The following ZBTB20 variants were observed in gnomAD, a reference collection of about 807,000 sequenced individuals.
ZBTB20 encodes the protein zinc finger and BTB domain containing 20.
ZBTB20 carries 9 observed loss-of-function variants against 56.9 expected under a neutral mutation model. The ratio of observed to expected loss-of-function variants is 0.16; its 90% CI spans 0.10 to 0.28. ZBTB20 has a LOEUF of 0.28. ZBTB20 is among the 10% of genes least tolerant of loss of function. The pLI, the probability that ZBTB20 is intolerant of heterozygous loss-of-function variation, is 1.00. For synonymous variants in ZBTB20, 417 were observed against 420.7 expected (o/e 0.99, Z 0.11); for missense variants, 655 against 1,003.0 (o/e 0.65, Z 4.69).
chr3:114,869,619 T>C (rs940407622), intron 4 of ZBTB20, among the ~76,000 whole-genome samples: 5 of 151,690 alleles, frequency 3.3e-5, no homozygotes, highest in African/African-American at 7.2e-5. Flanking sequence ...TAATAACAAA[T>C]GCTTCCTTTT....
At chr3:114,403,586 T>C (rs2087015101) in intron 7 of ZBTB20, among the ~76,000 whole-genome samples, 1 of 151,896 alleles carries the variant, frequency 6.6e-6, no homozygotes, top group African/African-American at 2.4e-5. Context: ...TCATATAAAA[T>C]AAGGAGGCAT....
chr3:114,427,701 G>A (rs1469985926), intron 7 of ZBTB20, among the ~76,000 whole-genome samples: 1 of 152,238 alleles, frequency 6.6e-6, no homozygotes, highest in Non-Finnish European at 1.5e-5. Flanking sequence ...TGCTGTCTGG[G>A]TCTTCCCCTC....
At chr3:114,943,386 C>A (rs2076783117) in intron 3 of ZBTB20, among the ~76,000 whole-genome samples, 1 of 144,538 alleles carries the variant, frequency 6.9e-6, no homozygotes, top group Admixed American at 6.7e-5. Context: ...ATCAAAGAAC[C>A]AAAACAAAGA....
At chr3:114,958,843 T>G in intron 3 of ZBTB20, among the ~76,000 whole-genome samples, 1 of 147,142 alleles carries the variant, frequency 6.8e-6, no homozygotes, top group African/African-American at 2.5e-5. Context: ...AGAGTGAGAG[T>G]CTGTCTCAGA....
intron 4 of ZBTB20, among the ~76,000 whole-genome samples, chr3:114,814,746 T>A (rs1393136551): frequency 6.6e-6 from 1 of 152,186 alleles, no homozygotes; most frequent in Non-Finnish European, 1.5e-5. Context: ...TAATAAGGCA[T>A]ATAACATAGA....
In ZBTB20 at chr3:114,693,588, G is replaced by C. The variant is rs530093712; in HGVS notation, c.-342-13C>G. The stretch of plus-strand genomic sequence containing the variant: ...ATGATGAAACATTCTGAAATAAAAA[G>C]AGTACAGGTAAGTGCTAGGTATTTA... On this transcript the variant is annotated splice_polypyrimidine_tract_variant and intron_variant, in intron 5 of 11. Coordinates refer to ENST00000675478, the MANE Select transcript of ZBTB20 (RefSeq NM_001348800.3). The C allele has an allele frequency of 5.9e-5, 9 of 152,194 alleles. No individual in the cohort carries two copies. Among genetic ancestry groups the C allele is most frequent in the African/African-American group, 2.2e-4 (9 of 41,544 alleles). The allele number at this position is 152,194 out of a possible 1,614,324, so 9.4% of individuals were successfully genotyped here. A position where few individuals can be genotyped will look rare whatever the true frequency, so the allele number is the denominator to read the frequency against.
chr3:114,797,922 T>A (rs2071431591), intron 5 of ZBTB20, among the ~76,000 whole-genome samples: 2 of 152,008 alleles, frequency 1.3e-5, no homozygotes, highest in South Asian at 2.1e-4. Flanking sequence ...AATTTAGCTT[T>A]GGGTAAAATA....
intron 7 of ZBTB20, among the ~76,000 whole-genome samples, chr3:114,452,748 T>G (rs1162872987): frequency 2.9e-5 from 2 of 69,572 alleles, no homozygotes; most frequent in Non-Finnish European, 9.5e-5. Flanking sequence ...TTTCAGTTAA[T>G]AGAAAAAAAA....
At chr3:114,433,150 A>C (rs925670760) in intron 7 of ZBTB20, among the ~76,000 whole-genome samples, 4 of 152,218 alleles carry the variant, frequency 2.6e-5, no homozygotes, top group African/African-American at 9.6e-5. Context: ...AACAGAAAAA[A>C]AAGATTTTCC....
chr3:114,483,489 T>C (rs991391010), intron 7 of ZBTB20, among the ~76,000 whole-genome samples: 2 of 151,938 alleles, frequency 1.3e-5, no homozygotes, highest in African/African-American at 4.8e-5. Context: ...CATAAGTATT[T>C]ACTATCAGAC....
rs146968646 is a variant in ZBTB20 at position 114,334,928 on chromosome 3, T to C, written c.*4077A>G. 3.9e-5 allele frequency: 6 copies of C among 152,326 alleles called. No individual in the cohort carries two copies. The highest frequency in any genetic ancestry group is 1.9e-4 in the East Asian group (1 of 5,190). The allele number at this position is 152,326 out of a possible 1,614,324, so 9.4% of individuals were successfully genotyped here. On this transcript the variant is annotated 3_prime_UTR_variant, in exon 12 of 12. Transcript: ENST00000675478. ...TTAGCTTGTTTCCCCCTGTGTAGAATTGTAACAGATCCATGTGTTCCAATT... is the reference window on the plus strand; with the variant it reads ...TTAGCTTGTTTCCCCCTGTGTAGAACTGTAACAGATCCATGTGTTCCAATT...
intron 1 of ZBTB20, among the ~76,000 whole-genome samples, chr3:115,110,807 G>A (rs893918906): frequency 2.0e-5 from 3 of 151,898 alleles, no homozygotes; most frequent in Admixed American, 2.0e-4. Flanking sequence ...TGGCCAACAT[G>A]GTAAAATGCC....
intron 7 of ZBTB20, among the ~76,000 whole-genome samples, chr3:114,485,122 T>C (rs2055981): frequency 0.49 from 75,017 of 152,044 alleles, 21,739 homozygotes; most frequent in Non-Finnish European, 0.65. Flanking sequence ...CGCATGCTGG[T>C]CTGAAAGTCA....
chr3:114,794,297 T>G (rs1035227654), intron 5 of ZBTB20, among the ~76,000 whole-genome samples: 5 of 152,094 alleles, frequency 3.3e-5, no homozygotes, highest in African/African-American at 1.2e-4. Flanking sequence ...TTTTTATTAA[T>G]TAAGGTTTGT....
intron 10 of ZBTB20, among the ~76,000 whole-genome samples, chr3:114,375,281 T>C (rs1426787631): frequency 2.0e-5 from 3 of 152,180 alleles, no homozygotes; most frequent in South Asian, 2.1e-4. Context: ...CACGGCACCA[T>C]AGAGTATTGC....
At chr3:114,855,504 C>T (rs1219165767) in intron 4 of ZBTB20, among the ~76,000 whole-genome samples, 2 of 152,088 alleles carry the variant, frequency 1.3e-5, no homozygotes, top group East Asian at 1.9e-4. Flanking sequence ...AGATGGTTCT[C>T]TTTATGTTCA....
At chr3:114,919,439 G>C (rs1394416007) in intron 3 of ZBTB20, among the ~76,000 whole-genome samples, 4 of 152,136 alleles carry the variant, frequency 2.6e-5, no homozygotes, top group Non-Finnish European at 5.9e-5. Flanking sequence ...CAGGCATGGT[G>C]GCTCATGCCT....
At chr3:114,644,222 A>C (rs956718421) in intron 6 of ZBTB20, among the ~76,000 whole-genome samples, 1 of 152,104 alleles carries the variant, frequency 6.6e-6, no homozygotes, top group African/African-American at 2.4e-5. Context: ...CATTGAAAGC[A>C]CATGTATGCA....
chr3:114,474,234 C>T (rs530105777), intron 7 of ZBTB20, among the ~76,000 whole-genome samples: 1 of 152,322 alleles, frequency 6.6e-6, no homozygotes, highest in South Asian at 2.1e-4. Context: ...CCATATCCCA[C>T]AGGAATATGT....
Sources: allele counts gnomAD v4.1 joint callset (sites outside exome capture counted in the v4.1 genomes callset), GRCh38; gene constraint gnomAD v4.1.1; transcripts MANE v1.5; gene names NCBI Gene and HGNC (gene_info 2026-07-23, HGNC 2026-07-21).